The following RASEF variants were observed in gnomAD, a reference collection of about 807,000 sequenced individuals.
The protein encoded by RASEF is RAS and EF-hand domain containing.
A neutral mutation model predicts 90.1 loss-of-function variants in RASEF; 68 were observed. That is an observed-to-expected ratio of 0.75 (90% CI 0.62 to 0.92). The LOEUF (loss-of-function observed/expected upper bound fraction) is 0.92. Ranked by LOEUF, RASEF falls within the 40% of genes least tolerant of loss-of-function variation. The pLI is 0.00. For missense variants in RASEF, 949 were observed against 937.2 expected (o/e 1.01, Z -0.16); for synonymous variants, 331 against 345.2 (o/e 0.96, Z 0.46).
chr9:83,141,709 G>T, the RASEF span, among the ~76,000 whole-genome samples: 1 of 152,208 alleles, frequency 6.6e-6, no homozygotes, highest in African/African-American at 2.4e-5. Context: ...GAGTGGTAGA[G>T]ATACACGTGC....
intron 1 of RASEF, chr9:83,054,557 T>C (rs1450332588): frequency 1.3e-5 from 2 of 148,950 alleles, no homozygotes; most frequent in African/African-American, 2.6e-5. Context: ...TCAAAATCAT[T>C]TTCCATCCAG....
the RASEF span, among the ~76,000 whole-genome samples, chr9:83,164,341 A>ATG: frequency 0.066 from 5,906 of 89,664 alleles, 346 homozygotes; most frequent in African/African-American, 0.14. Flanking sequence ...ATATTTGTAT[A>ATG]TGTGTGTATA....
At chr9:83,157,555 A>T in the RASEF span, among the ~76,000 whole-genome samples, 3 of 152,184 alleles carry the variant, frequency 2.0e-5, no homozygotes, top group African/African-American at 4.8e-5. Flanking sequence ...CAGCCTCTAG[A>T]ACTGTGAGCT....
chr9:83,132,240 G>A, the RASEF span, among the ~76,000 whole-genome samples: 1 of 152,214 alleles, frequency 6.6e-6, no homozygotes, highest in Non-Finnish European at 1.5e-5. Context: ...ATCAGAACTC[G>A]GAGCTACCAT....
At chr9:82,997,454 C>T (rs1370355560) in intron 13 of RASEF, among the ~76,000 whole-genome samples, 1 of 152,166 alleles carries the variant, frequency 6.6e-6, no homozygotes, top group Non-Finnish European at 1.5e-5. Context: ...TACCAGAACC[C>T]ACATGTGGGA....
intron 1 of RASEF, among the ~76,000 whole-genome samples, chr9:83,061,033 C>T (rs958114249): frequency 1.1e-4 from 17 of 152,114 alleles, no homozygotes; most frequent in Non-Finnish European, 2.4e-4. Context: ...TACATCATAT[C>T]CAATATGATG....
the RASEF span, among the ~76,000 whole-genome samples, chr9:83,100,635 A>G: frequency 4.6e-5 from 7 of 152,320 alleles, no homozygotes; most frequent in South Asian, 8.3e-4. Flanking sequence ...ATGGGATTTC[A>G]TGATAACAAA....
intron 3 of RASEF, among the ~76,000 whole-genome samples, chr9:83,020,654 G>A (rs1051460918): frequency 2.0e-5 from 3 of 152,158 alleles, no homozygotes; most frequent in African/African-American, 2.4e-5. Flanking sequence ...TGCCACTACC[G>A]GACTGAAGCC....
chr9:83,191,749 C>A, the RASEF span, among the ~76,000 whole-genome samples: 2 of 152,130 alleles, frequency 1.3e-5, no homozygotes, highest in African/African-American at 4.8e-5. Flanking sequence ...CTCTCACCTC[C>A]CTCACCCCTG....
the RASEF span, among the ~76,000 whole-genome samples, chr9:83,086,557 GTC>G: frequency 6.6e-6 from 1 of 152,208 alleles, no homozygotes; most frequent in African/African-American, 2.4e-5. Context: ...TTAACTGGGT[GTC>G]TCTGGCTCAA....
Position 83,025,781 on chromosome 9 carries a change from A to T in RASEF, c.572T>A (p.Val191Glu). The T allele has an allele frequency of 6.2e-7, 1 of 1,613,284 alleles. No homozygotes were observed. The highest frequency in any genetic ancestry group is 1.3e-5 in the African/African-American group (1 of 74,962). ...STEMENLAIA[V>E]KRAQDKAAMQ... The stretch of plus-strand genomic sequence containing the variant: ...AAAGGAAGGACTTCAATACCTCTTC[A>T]CCGCAATGGCCAAATTTTCCATTTC... The change falls in exon 2 of 17, where the codon GTG becomes GAG. Residue 191 changes from valine to glutamate, a missense_variant. Around this residue, in one of 3 missense-constraint regions of RASEF, gnomAD observed 656 missense variants for 592.2 expected, o/e 1.11. Coordinates refer to ENST00000376447, the MANE Select transcript of RASEF (RefSeq NM_152573.4).
At chr9:83,103,275 C>T in the RASEF span, among the ~76,000 whole-genome samples, 1 of 152,108 alleles carries the variant, frequency 6.6e-6, no homozygotes, top group Non-Finnish European at 1.5e-5. Context: ...TTCTTTTAAA[C>T]AATCGGCTTA....
At chr9:83,075,745 G>A in the RASEF span, among the ~76,000 whole-genome samples, 36 of 152,078 alleles carry the variant, frequency 2.4e-4, no homozygotes, top group East Asian at 6.8e-3. Context: ...TGACATGAAA[G>A]TAGTTACCAA....
At chr9:83,019,571 C>T (rs936823440) in intron 3 of RASEF, among the ~76,000 whole-genome samples, 5 of 152,132 alleles carry the variant, frequency 3.3e-5, no homozygotes. Context: ...CCATTCCACT[C>T]CAGGAATTTA....
the RASEF span, among the ~76,000 whole-genome samples, chr9:83,193,804 G>A: frequency 6.6e-6 from 1 of 152,088 alleles, no homozygotes; most frequent in Non-Finnish European, 1.5e-5. Flanking sequence ...TGCATATACA[G>A]GTGAAACATC....
chr9:83,195,167 C>T, the RASEF span, among the ~76,000 whole-genome samples: 1 of 152,234 alleles, frequency 6.6e-6, no homozygotes, highest in African/African-American at 2.4e-5. Flanking sequence ...ATGCCTCTGG[C>T]TTCATGCAGC....
chr9:83,168,364 T>TA, the RASEF span, among the ~76,000 whole-genome samples: 1 of 152,158 alleles, frequency 6.6e-6, no homozygotes, highest in South Asian at 2.1e-4. Context: ...GTGGTTTTTT[T>TA]ATTTTTATGG....
At chr9:82,993,163 CCTCAAAGTAT>C (rs1828846994) in intron 14 of RASEF, 138 bp from the exon 15 acceptor site, 1 of 796,130 alleles carries the variant, frequency 1.3e-6, no homozygotes, top group Admixed American at 3.1e-5. Flanking sequence ...TATCTTTAAA[CCTCAAAGTAT>C]CTCTAAAAAC....
At chr9:83,032,563 T>A (rs1343506199) in intron 1 of RASEF, among the ~76,000 whole-genome samples, 2 of 152,222 alleles carry the variant, frequency 1.3e-5, no homozygotes, top group Non-Finnish European at 2.9e-5. Context: ...TGAAATGCAA[T>A]TAGAGAAAAA....
Sources: gnomAD v4.1 joint callset for allele counts (sites outside exome capture counted in the v4.1 genomes callset) on GRCh38, gnomAD v4.1.1 for gene constraint, gnomAD v4.1.1 regional missense constraint, MANE v1.5 for transcripts, NCBI Gene and HGNC (gene_info 2026-07-23, HGNC 2026-07-21) for gene names.